The following ACOXL variants were observed in gnomAD, a reference collection of about 807,000 sequenced individuals.
ACOXL encodes the protein acyl-CoA oxidase like.
ACOXL carries 70 observed loss-of-function variants against 71.9 expected under a neutral mutation model. That is an observed-to-expected ratio of 0.97 (90% confidence interval 0.80 to 1.19). ACOXL has a LOEUF of 1.19. Ranked by LOEUF, ACOXL falls within the 50% of genes most tolerant of loss-of-function variation. The pLI, the probability that ACOXL is intolerant of heterozygous loss-of-function variation, is 0.00. For missense variants in ACOXL, 703 were observed against 736.3 expected (o/e 0.95, Z 0.52); for synonymous variants, 253 against 281.6 (o/e 0.90, Z 1.02).
At chr2:111,053,703 C>G (rs1266031217) in intron 16 of ACOXL, among the ~76,000 whole-genome samples, 2 of 152,066 alleles carry the variant, frequency 1.3e-5, no homozygotes, top group African/African-American at 4.8e-5. Context: ...ATGATCACAC[C>G]TCCTCATTTT....
chr2:110,772,833 A>T (rs530955077), intron 2 of ACOXL, among the ~76,000 whole-genome samples: 2 of 152,370 alleles, frequency 1.3e-5, no homozygotes, highest in South Asian at 2.1e-4. Context: ...GATATTCATC[A>T]TAAACTTCAA....
At chr2:110,891,189 A>G (rs975612996) in intron 10 of ACOXL, among the ~76,000 whole-genome samples, 2 of 152,048 alleles carry the variant, frequency 1.3e-5, no homozygotes, top group Admixed American at 6.6e-5. Flanking sequence ...TGGATTTTCT[A>G]TATACAAGAT....
chr2:110,901,106 G>A (rs1024189967), intron 10 of ACOXL, among the ~76,000 whole-genome samples: 4 of 152,228 alleles, frequency 2.6e-5, no homozygotes, highest in African/African-American at 9.6e-5. Context: ...GTCTCCAGCA[G>A]CAGAGTGTCA....
intron 1 of ACOXL, among the ~76,000 whole-genome samples, chr2:110,754,930 C>G (rs1412722262): frequency 1.3e-5 from 2 of 152,196 alleles, no homozygotes; most frequent in Non-Finnish European, 2.9e-5. Flanking sequence ...CCATTTTACA[C>G]TCCTACCTCC....
intron 12 of ACOXL, among the ~76,000 whole-genome samples, chr2:110,969,583 G>GA (rs2062086659): frequency 6.6e-6 from 1 of 152,122 alleles, no homozygotes; most frequent in Non-Finnish European, 1.5e-5. Context: ...GGCCGAGGTG[G>GA]GCAGCTTACC....
At chr2:110,883,808 C>G (rs1175400157) in intron 10 of ACOXL, among the ~76,000 whole-genome samples, 1 of 152,058 alleles carries the variant, frequency 6.6e-6, no homozygotes, top group Non-Finnish European at 1.5e-5. Flanking sequence ...CTAGAAATTT[C>G]TTTTCTAGAA....
At chr2:111,050,255 T>G (rs1248149998) in intron 16 of ACOXL, among the ~76,000 whole-genome samples, 2 of 151,720 alleles carry the variant, frequency 1.3e-5, no homozygotes, top group African/African-American at 4.9e-5. Context: ...GTGATATTTT[T>G]GGTCTTTAAA....
intron 1 of ACOXL, among the ~76,000 whole-genome samples, chr2:110,758,258 T>C (rs1679951632): frequency 1.3e-5 from 2 of 152,200 alleles, no homozygotes; most frequent in South Asian, 4.1e-4. Flanking sequence ...TATGTGTCTG[T>C]TCTTGTACCA....
chr2:111,034,941 G>A (rs1564706), intron 15 of ACOXL, among the ~76,000 whole-genome samples: 15,988 of 149,312 alleles, frequency 0.11, 1,062 homozygotes, highest in African/African-American at 0.19. Context: ...TTTTTTTGAC[G>A]GAGTCTCGCT....
chr2:111,081,946 G>C (rs1487813299), intron 16 of ACOXL, among the ~76,000 whole-genome samples: 1 of 152,104 alleles, frequency 6.6e-6, no homozygotes, highest in Non-Finnish European at 1.5e-5. Context: ...TCAATAAATT[G>C]TGTTAGGAAA....
chr2:110,969,650 A>C (rs1253765673), intron 12 of ACOXL, among the ~76,000 whole-genome samples: 1 of 152,102 alleles, frequency 6.6e-6, no homozygotes, highest in African/African-American at 2.4e-5. Context: ...ATCTCTACTA[A>C]AAATACAAAA....
chr2:110,780,308 G>A (rs1683168181), intron 2 of ACOXL, among the ~76,000 whole-genome samples: 1 of 152,202 alleles, frequency 6.6e-6, no homozygotes, highest in African/African-American at 2.4e-5. Context: ...TGACAATGCT[G>A]GTAGGATGTG....
intron 10 of ACOXL, among the ~76,000 whole-genome samples, chr2:110,852,488 A>T (rs1255250971): frequency 6.6e-6 from 1 of 152,208 alleles, no homozygotes; most frequent in East Asian, 1.9e-4. Flanking sequence ...GGGCTCTGTT[A>T]AACTAGCCAC....
At chr2:110,899,565 C>G (rs1022311320) in intron 10 of ACOXL, among the ~76,000 whole-genome samples, 1 of 152,126 alleles carries the variant, frequency 6.6e-6, no homozygotes, top group Non-Finnish European at 1.5e-5. Flanking sequence ...GGGGCTTCTG[C>G]AAGATCTCTG....
At chr2:111,094,676 G>A (rs1368914558) in intron 17 of ACOXL, among the ~76,000 whole-genome samples, 1 of 152,162 alleles carries the variant, frequency 6.6e-6, no homozygotes, top group Non-Finnish European at 1.5e-5. Flanking sequence ...TTGCATTGGG[G>A]ATTAAGTTTT....
chr2:110,952,939 A>G (rs1474118759), intron 12 of ACOXL, among the ~76,000 whole-genome samples: 1 of 152,166 alleles, frequency 6.6e-6, no homozygotes, highest in Non-Finnish European at 1.5e-5. Flanking sequence ...ATTGATTCTA[A>G]ATTTATTTTA....
intron 16 of ACOXL, among the ~76,000 whole-genome samples, chr2:111,053,798 C>A (rs2066407937): frequency 6.6e-6 from 1 of 152,246 alleles, no homozygotes; most frequent in Non-Finnish European, 1.5e-5. Flanking sequence ...CAGGGGCCTC[C>A]ATGGGACTAA....
chr2:110,880,971 G>A (rs1211280729), intron 10 of ACOXL, among the ~76,000 whole-genome samples: 2 of 152,146 alleles, frequency 1.3e-5, no homozygotes, highest in East Asian at 3.8e-4. Context: ...ACTTCCTCAT[G>A]TGGGACTACA....
chr2:110,815,733 G>A (rs113674241), intron 9 of ACOXL, among the ~76,000 whole-genome samples: 32 of 152,320 alleles, frequency 2.1e-4, no homozygotes, highest in African/African-American at 7.5e-4. Flanking sequence ...GGTAAACTGA[G>A]GAGCAGGCAT....
Sources: allele counts gnomAD v4.1 joint callset (sites outside exome capture counted in the v4.1 genomes callset), GRCh38; gene constraint gnomAD v4.1.1; transcripts MANE v1.5; gene names NCBI Gene and HGNC (gene_info 2026-07-23, HGNC 2026-07-21).